NEDD4L: variants seen among roughly 807,000 people sequenced by gnomAD.
The protein encoded by NEDD4L is NEDD4 like E3 ubiquitin protein ligase, also known as E3 ubiquitin-protein ligase NEDD4-like.
A neutral mutation model predicts 148.9 loss-of-function variants in NEDD4L; 54 were observed. That is an observed-to-expected ratio of 0.36 (90% CI 0.29 to 0.45). The LOEUF (loss-of-function observed/expected upper bound fraction) is 0.45. Ranked by LOEUF, NEDD4L falls within the 20% of genes least tolerant of loss-of-function variation. The pLI is 1.00. For synonymous variants in NEDD4L, 433 were observed against 440.7 expected (o/e 0.98, Z 0.22); for missense variants, 856 against 1,233.8 (o/e 0.69, Z 4.59).
At chr18:58,182,874 C>T (rs1335140040) in intron 2 of NEDD4L, among the ~76,000 whole-genome samples, 1 of 152,218 alleles carries the variant, frequency 6.6e-6, no homozygotes, top group African/African-American at 2.4e-5. Context: ...TTCTGCATTC[C>T]TTTATTTTAA....
rs751005267 is a variant in NEDD4L at position 58,397,701 on chromosome 18, G to A, written c.*1432G>A. The A allele has an allele frequency of 6.6e-6, 1 of 152,664 alleles. No homozygotes were observed. The highest frequency in any genetic ancestry group is 2.4e-5 in the African/African-American group (1 of 41,458). 9.5% of individuals were successfully genotyped at this position (152,664 alleles called of 1,614,324 possible). ...AGCTATTGAGCTGGTAGTGGCAGAGGACTGAGGGTACCTGCACAGTTTGAT... is the reference window on the plus strand; with the variant it reads ...AGCTATTGAGCTGGTAGTGGCAGAGAACTGAGGGTACCTGCACAGTTTGAT... On this transcript the variant is annotated 3_prime_UTR_variant, in exon 31 of 31. Coordinates refer to ENST00000400345, the MANE Select transcript of NEDD4L (RefSeq NM_001144967.3).
intron 26 of NEDD4L, among the ~76,000 whole-genome samples, chr18:58,386,258 G>A (rs545789050): frequency 2.3e-3 from 351 of 152,172 alleles, no homozygotes; most frequent in Admixed American, 7.9e-3. Flanking sequence ...TCACCATGTT[G>A]GCCAGGATGG....
chr18:58,124,378 T>A (rs761776395), intron 1 of NEDD4L, among the ~76,000 whole-genome samples: 1 of 152,150 alleles, frequency 6.6e-6, no homozygotes, highest in Non-Finnish European at 1.5e-5. Flanking sequence ...TGTTGTCTGT[T>A]CCTCCCCGGC....
At chr18:58,111,302 A>C (rs1296221843) in intron 1 of NEDD4L, among the ~76,000 whole-genome samples, 1 of 152,174 alleles carries the variant, frequency 6.6e-6, no homozygotes, top group South Asian at 2.1e-4. Context: ...TCCTGACCTC[A>C]GGTGATCCAC....
Position 58,163,755 on chromosome 18 carries a change from G to A in NEDD4L, c.49-2033G>A, listed in dbSNP as rs550166158. ...TTGGGGATACGTGGTTGGATGGACGGTTGGGTGGATGGAAGACTCCTGGAA... is the reference window on the plus strand; with the variant it reads ...TTGGGGATACGTGGTTGGATGGACGATTGGGTGGATGGAAGACTCCTGGAA... On this transcript the variant is annotated intron_variant, in intron 1 of 30. Coordinates refer to ENST00000400345, the MANE Select transcript of NEDD4L (RefSeq NM_001144967.3). Among the ~76,000 whole-genome samples the A allele has an allele frequency of 2.6e-5, 4 of 152,296 alleles. No individual in the cohort carries two copies. The South Asian group carries it at 8.3e-4, about 32-fold the overall frequency.
At chr18:58,107,238 G>A (rs529805875) in intron 1 of NEDD4L, among the ~76,000 whole-genome samples, 60 of 152,304 alleles carry the variant, frequency 3.9e-4, no homozygotes, top group African/African-American at 1.4e-3. Context: ...ACACTCCGAG[G>A]TACTGGGGAT....
intron 1 of NEDD4L, among the ~76,000 whole-genome samples, chr18:58,090,565 A>C (rs1599197402): frequency 6.6e-6 from 1 of 151,942 alleles, no homozygotes; most frequent in Non-Finnish European, 1.5e-5. Flanking sequence ...TGCAACCTTC[A>C]CCTCCTGGTT....
rs1429566251 is a variant in NEDD4L at position 58,399,009 on chromosome 18, G to C, written c.*2740G>C. 1 of 152,272 alleles carries C rather than the reference G, an allele frequency of 6.6e-6. No homozygotes were observed. The highest frequency in any genetic ancestry group is 1.5e-5 in the Non-Finnish European group (1 of 68,076). The allele number at this position is 152,272 out of a possible 1,614,324, so 9.4% of individuals were successfully genotyped here. ...CTTAATGCAGTCTCTTTAGTTGTCT[G>C]CTGAAGCTGTAGTTATTATGGGCCA... is the stretch of plus-strand genomic sequence containing the variant. On this transcript the variant is annotated 3_prime_UTR_variant, in exon 31 of 31. Coordinates refer to ENST00000400345, the MANE Select transcript of NEDD4L (RefSeq NM_001144967.3).
At chr18:58,359,312 G>C (rs2045160968) in intron 19 of NEDD4L, among the ~76,000 whole-genome samples, 1 of 151,858 alleles carries the variant, frequency 6.6e-6, no homozygotes, top group Admixed American at 6.6e-5. Flanking sequence ...TTTTCTCTAT[G>C]TGCTTGCAGG....
At chr18:58,159,762 G>C (rs1352383921) in intron 1 of NEDD4L, among the ~76,000 whole-genome samples, 1 of 152,194 alleles carries the variant, frequency 6.6e-6, no homozygotes, top group Non-Finnish European at 1.5e-5. Context: ...TTGGTCATCT[G>C]TTTTAATGCA....
intron 2 of NEDD4L, among the ~76,000 whole-genome samples, chr18:58,215,495 G>T (rs757521592): frequency 6.6e-6 from 1 of 152,006 alleles, no homozygotes; most frequent in Non-Finnish European, 1.5e-5. Context: ...TTTGTAAAAT[G>T]GGCAGTTTAA....
chr18:58,053,193 G>T (rs1045613247), intron 1 of NEDD4L, among the ~76,000 whole-genome samples: 6 of 152,188 alleles, frequency 3.9e-5, no homozygotes, highest in Admixed American at 3.3e-4. Context: ...GCTCCGGCAT[G>T]TTTCCATCTC....
chr18:58,119,230 C>G (rs60753415), intron 1 of NEDD4L, among the ~76,000 whole-genome samples: 67,940 of 151,924 alleles, frequency 0.45, 15,535 homozygotes, highest in Non-Finnish European at 0.51. Context: ...TTCTCATGGG[C>G]CATGGAGAGT....
chr18:58,084,827 T>C (rs1388370401), intron 1 of NEDD4L, among the ~76,000 whole-genome samples: 1 of 152,008 alleles, frequency 6.6e-6, no homozygotes, highest in Non-Finnish European at 1.5e-5. Context: ...CCAGAGTAGC[T>C]GGGACTACAG....
intron 1 of NEDD4L, among the ~76,000 whole-genome samples, chr18:58,149,725 A>C (rs2034482032): frequency 6.6e-6 from 1 of 152,170 alleles, no homozygotes; most frequent in African/African-American, 2.4e-5. Flanking sequence ...TTCTTTCTTG[A>C]AGGATTTTGT....
chr18:58,182,952 C>T (rs1347241625), intron 2 of NEDD4L, among the ~76,000 whole-genome samples: 1 of 152,210 alleles, frequency 6.6e-6, no homozygotes, highest in African/African-American at 2.4e-5. Flanking sequence ...TGCTGGGTCC[C>T]CTGTCATAGG....
intron 1 of NEDD4L, among the ~76,000 whole-genome samples, chr18:58,153,233 G>GT (rs11378477): frequency 0.53 from 80,737 of 151,738 alleles, 22,199 homozygotes; most frequent in African/African-American, 0.67. Context: ...AGAACACACA[G>GT]TTGTAGAGGG....
chr18:58,338,435 C>T (rs1231460997), intron 13 of NEDD4L, among the ~76,000 whole-genome samples: 2 of 152,158 alleles, frequency 1.3e-5, no homozygotes, highest in Non-Finnish European at 1.5e-5. Context: ...TCTATGTGGT[C>T]ATTTGGAGAG....
chr18:58,199,716 C>T (rs990931903), intron 2 of NEDD4L, among the ~76,000 whole-genome samples: 1 of 152,124 alleles, frequency 6.6e-6, no homozygotes, highest in African/African-American at 2.4e-5. Context: ...CTAAGGATGC[C>T]TTGAGAAACA....
Sources: allele counts gnomAD v4.1 joint callset (sites outside exome capture counted in the v4.1 genomes callset), GRCh38; gene constraint gnomAD v4.1.1; transcripts MANE v1.5; gene names NCBI Gene and HGNC (gene_info 2026-07-23, HGNC 2026-07-21).